The following RAB2A variants were observed in gnomAD, a reference collection of about 807,000 sequenced individuals.
RAB2A encodes ras-related protein Rab-2A.
In RAB2A, 7 loss-of-function variants were observed where a neutral mutation model predicts 32.5. The observed-to-expected ratio is 0.22, with a 90% CI of 0.12 to 0.40. The LOEUF is 0.40. Ranked by LOEUF, RAB2A falls within the 10% of genes least tolerant of loss-of-function variation. RAB2A has a pLI of 1.00. For missense variants in RAB2A, 108 were observed against 260.7 expected (o/e 0.41, Z 4.03); for synonymous variants, 79 against 85.2 (o/e 0.93, Z 0.40).
intron 1 of RAB2A, among the ~76,000 whole-genome samples, chr8:60,544,136 G>C (rs971317794): frequency 4.7e-5 from 7 of 148,866 alleles, no homozygotes; most frequent in Non-Finnish European, 1.0e-4. Flanking sequence ...CTGTTGCCCA[G>C]GCTGAAGTGT....
intron 6 of RAB2A, among the ~76,000 whole-genome samples, chr8:60,599,152 C>G (rs375137313): frequency 6.6e-6 from 1 of 151,402 alleles, no homozygotes; most frequent in South Asian, 2.1e-4. Context: ...ACATGAACAC[C>G]AAAACTCAAA....
intron 3 of RAB2A, among the ~76,000 whole-genome samples, chr8:60,578,920 T>C (rs1803687411): frequency 6.6e-6 from 1 of 152,250 alleles, no homozygotes; most frequent in African/African-American, 2.4e-5. Flanking sequence ...GCACAAATGT[T>C]CCGTGACTTT....
intron 6 of RAB2A, among the ~76,000 whole-genome samples, chr8:60,596,619 A>G (rs1804033152): frequency 6.6e-6 from 1 of 152,160 alleles, no homozygotes; most frequent in Admixed American, 6.5e-5. Flanking sequence ...TTAGAATGGC[A>G]ATCATTAAAA....
At chr8:60,605,853 A>ATATAT (rs201989396) in intron 6 of RAB2A, among the ~76,000 whole-genome samples, 9 of 115,002 alleles carry the variant, frequency 7.8e-5, no homozygotes, top group East Asian at 3.2e-4. Context: ...ATATATATAT[A>ATATAT]ATGCTTCATT....
intron 1 of RAB2A, among the ~76,000 whole-genome samples, chr8:60,540,058 TGAAA>T (rs974769131): frequency 5.3e-5 from 8 of 151,658 alleles, no homozygotes; most frequent in Non-Finnish European, 1.0e-4. Flanking sequence ...TTGAAGTTTT[TGAAA>T]GAAAGAGTAT....
chr8:60,610,286 A>G (rs150121944), intron 6 of RAB2A, among the ~76,000 whole-genome samples: 6 of 152,284 alleles, frequency 3.9e-5, no homozygotes, highest in African/African-American at 1.4e-4. Flanking sequence ...TCCAGAGAGA[A>G]CACATGACTT....
intron 1 of RAB2A, among the ~76,000 whole-genome samples, chr8:60,533,862 C>T (rs527575249): frequency 1.4e-4 from 22 of 151,920 alleles, no homozygotes; most frequent in Non-Finnish European, 2.9e-4. Context: ...CCCAGCTACC[C>T]GGGAGACTGA....
intron 1 of RAB2A, among the ~76,000 whole-genome samples, chr8:60,526,272 G>A (rs1272098644): frequency 1.3e-5 from 2 of 151,914 alleles, no homozygotes; most frequent in Non-Finnish European, 2.9e-5. Context: ...CTGAGACCCC[G>A]TTTCCTTCCT....
rs1483970507 is a variant in RAB2A at position 60,623,517 on chromosome 8, A to G, written c.*2748A>G. The G allele has an allele frequency of 6.6e-6, 1 of 152,220 alleles. No individual in the cohort carries two copies. The highest frequency in any genetic ancestry group is 1.5e-5 in the Non-Finnish European group (1 of 68,038). The allele number at this position is 152,220 out of a possible 1,614,324, so 9.4% of individuals were successfully genotyped here. On this transcript the variant is annotated 3_prime_UTR_variant, in exon 8 of 8. Transcript: ENST00000262646. ...CACAAAGAGATAACGCTGTTTCATA[A>G]TAAACAGGAATTGACTATACAAATA...
intron 2 of RAB2A, among the ~76,000 whole-genome samples, chr8:60,566,642 T>C (rs1808118450): frequency 6.6e-6 from 1 of 152,190 alleles, no homozygotes; most frequent in African/African-American, 2.4e-5. Flanking sequence ...GGGGTACATG[T>C]GCATGTTTGT....
chr8:60,528,638 T>C (rs1807428579), intron 1 of RAB2A, among the ~76,000 whole-genome samples: 1 of 152,242 alleles, frequency 6.6e-6, no homozygotes, highest in Non-Finnish European at 1.5e-5. Flanking sequence ...CAAGTTGTTT[T>C]ATGGCAAGTT....
At chr8:60,520,281 T>G (rs1418232683) in intron 1 of RAB2A, among the ~76,000 whole-genome samples, 1 of 152,252 alleles carries the variant, frequency 6.6e-6, no homozygotes, top group Non-Finnish European at 1.5e-5. Flanking sequence ...TAAATGCAGT[T>G]AAAATGTAGC....
At chr8:60,598,058 CGTGGT>C (rs1328359131) in intron 6 of RAB2A, among the ~76,000 whole-genome samples, 1 of 152,120 alleles carries the variant, frequency 6.6e-6, no homozygotes, top group Non-Finnish European at 1.5e-5. Flanking sequence ...AGTAGCTGGG[CGTGGT>C]AGCAGGAGCC....
intron 4 of RAB2A, 98 bp downstream of exon 4, chr8:60,584,388 C>T (rs1012957681): frequency 9.6e-7 from 1 of 1,045,080 alleles, no homozygotes; most frequent in Admixed American, 2.0e-5. Flanking sequence ...AGCCTTTCTG[C>T]CCCGGCTACT....
intron 6 of RAB2A, among the ~76,000 whole-genome samples, chr8:60,614,370 A>T (rs140147976): frequency 3.3e-4 from 50 of 151,976 alleles, no homozygotes; most frequent in African/African-American, 1.0e-3. Context: ...AGTCCTCCTC[A>T]TCTTTGTGTC....
At chr8:60,520,840 A>G (rs1363811266) in intron 1 of RAB2A, among the ~76,000 whole-genome samples, 1 of 152,126 alleles carries the variant, frequency 6.6e-6, no homozygotes, top group African/African-American at 2.4e-5. Flanking sequence ...CTATTGAGAC[A>G]TGATCTCTGT....
At chr8:60,529,813 A>C (rs1406946156) in intron 1 of RAB2A, among the ~76,000 whole-genome samples, 1 of 152,130 alleles carries the variant, frequency 6.6e-6, no homozygotes, top group African/African-American at 2.4e-5. Flanking sequence ...AAAAGATGAT[A>C]CTCCATAGAT....
At chr8:60,566,333 C>T (rs1212212109) in intron 2 of RAB2A, among the ~76,000 whole-genome samples, 7 of 152,016 alleles carry the variant, frequency 4.6e-5, no homozygotes, top group Non-Finnish European at 7.4e-5. Flanking sequence ...TTTACTTTTT[C>T]GTTCTTTTTT....
intron 6 of RAB2A, among the ~76,000 whole-genome samples, chr8:60,609,975 A>G (rs1216470335): frequency 6.6e-6 from 1 of 151,800 alleles, no homozygotes; most frequent in Non-Finnish European, 1.5e-5. Flanking sequence ...AAAAAAAAAA[A>G]AAAAAAAAAT....
Sources: gnomAD v4.1 joint callset for allele counts (sites outside exome capture counted in the v4.1 genomes callset) on GRCh38, gnomAD v4.1.1 for gene constraint, MANE v1.5 for transcripts, NCBI Gene and HGNC (gene_info 2026-07-23, HGNC 2026-07-21) for gene names.